Variants in ZNF287 observed in about 807,000 individuals in gnomAD.
The protein encoded by ZNF287 is zinc finger protein with KRAB and SCAN domains 13.
In ZNF287, 31 loss-of-function variants were observed where a neutral mutation model predicts 73.7. The observed-to-expected ratio is 0.42, with a 90% CI of 0.32 to 0.57. The LOEUF (loss-of-function observed/expected upper bound fraction) is 0.57. ZNF287 is among the 20% of genes least tolerant of loss of function. The probability of loss-of-function intolerance (pLI) is 0.13; values close to 1 mark genes in which losing one functional copy is unlikely to be tolerated. For missense variants in ZNF287, 641 were observed against 909.3 expected, an observed-to-expected ratio of 0.70 and a Z score of 3.79; for synonymous variants, 301 against 307.2, an observed-to-expected ratio of 0.98 and a Z score of 0.21.
intron 5 of ZNF287, among the ~76,000 whole-genome samples, chr17:16,556,910 C>T (rs758553495): frequency 2.8e-4 from 42 of 151,764 alleles, no homozygotes; most frequent in Non-Finnish European, 4.9e-4. Context: ...TGCAATGGCG[C>T]GATCTCGGCT....
chr17:16,553,541 C>A (rs1257816170), intron 5 of ZNF287, 115 bp from the exon 6 acceptor site: 12 of 813,196 alleles, frequency 1.5e-5, no homozygotes, highest in South Asian at 3.1e-5. Flanking sequence ...CTCTGAAAAC[C>A]TCATCATCAT....
intron 3 of ZNF287, among the ~76,000 whole-genome samples, chr17:16,564,716 G>C (rs969856552): frequency 6.6e-6 from 1 of 152,096 alleles, no homozygotes; most frequent in Non-Finnish European, 1.5e-5. Flanking sequence ...AATCTGGTAA[G>C]GTTAGTGCTT....
chr17:16,552,381 A>G lies in ZNF287; in HGVS notation c.1761T>C (p.Thr587=), dbSNP rs745541947. 2 of 1,613,914 alleles carry G rather than the reference A, an allele frequency of 1.2e-6. No individual in the cohort carries two copies. Among genetic ancestry groups the G allele is most frequent in the South Asian group, 1.1e-5 (1 of 91,078 alleles). ...TATTACATATATAGGATTTCTCTCC[A>G]GTGTGAGTGGTTTGATGTTGAATAA... is the stretch of plus-strand genomic sequence containing the variant. ...STLIQHQTTH[T]GEKSYICNIC... Residue 587 remains threonine (T), a synonymous_variant, in exon 6 of 6, where the codon ACT becomes ACC. Coordinates refer to ENST00000395825, the MANE Select transcript of ZNF287 (RefSeq NM_020653.4). The surrounding 1 kb of genome is among the most constrained non-coding windows in gnomAD (Gnocchi z 6.5).
At chr17:16,567,215 C>T in intron 2 of ZNF287, 114 bp downstream of exon 2, 3 of 1,393,388 alleles carry the variant, frequency 2.2e-6, no homozygotes, top group South Asian at 2.9e-5. Flanking sequence ...TTAAAAAATG[C>T]ATCCTGGACC....
intron 4 of ZNF287, 146 bp downstream of exon 4, chr17:16,563,552 GA>G: frequency 1.1e-6 from 1 of 935,154 alleles, no homozygotes. Context: ...CTTTCATTTG[GA>G]AAACGGGAGT....
At position 16,548,951 on chromosome 17, in the gene ZNF287, A is replaced by G. The variant is rs1039729701; in HGVS notation, c.*2905T>C. ...GGAATTACTATTTGTTTTTTTTTTA[A>G]AGGTATGTAAATGTATTGTGGTTAT... On this transcript the variant is annotated 3_prime_UTR_variant, in exon 6 of 6. Transcript: ENST00000395825. 6.6e-6 allele frequency among the ~76,000 whole-genome samples: 1 copy of G among 151,980 alleles called. No individual in the cohort carries two copies. The highest frequency in any genetic ancestry group is 2.4e-5 in the African/African-American group (1 of 41,428).
chr17:16,560,570 G>A (rs1225943723), intron 5 of ZNF287, among the ~76,000 whole-genome samples: 3 of 150,922 alleles, frequency 2.0e-5, no homozygotes, highest in African/African-American at 7.3e-5. Context: ...GGCTGGTCTT[G>A]AACTCCTGAC....
At chr17:16,567,101 G>A (rs1322152364) in intron 2 of ZNF287, among the ~76,000 whole-genome samples, 2 of 152,126 alleles carry the variant, frequency 1.3e-5, no homozygotes, top group Admixed American at 6.6e-5. Flanking sequence ...GATAATGTGT[G>A]TTTGCTCCCA....
Position 16,552,061 on chromosome 17 carries a change from T to A in ZNF287, c.2081A>T (p.His694Leu), listed in dbSNP as rs1421213250. 1 of 1,614,094 alleles carries A rather than the reference T, an allele frequency of 6.2e-7. No individual in the cohort carries two copies. The highest frequency in any genetic ancestry group is 1.7e-5 in the Admixed American group (1 of 60,030). Reference sequence around the variant, plus strand: ...TCTCTCTCCAGTATGAGTTCTCTGATGTTGATTAAGTGATGAGGAATAAAT... The same window carrying A: ...TCTCTCTCCAGTATGAGTTCTCTGAAGTTGATTAAGTGATGAGGAATAAAT... ...AFIYSSSLNQHQRTHTGERPY... is the reference protein window; with the variant it reads ...AFIYSSSLNQLQRTHTGERPY... Residue 694 changes from histidine to leucine, a missense_variant, in exon 6 of 6, where the codon CAT (histidine) becomes CTT (leucine). Physicochemically the swap from His to Leu is moderately conservative, Grantham distance 99. Around this residue, in one of 2 missense-constraint regions of ZNF287, gnomAD observed 284 missense variants for 466.8 expected, o/e 0.61. Transcript: ENST00000395825. The surrounding 1 kb of genome is among the most constrained non-coding windows in gnomAD (Gnocchi z 6.5).
chr17:16,556,276 A>G (rs970305414), intron 5 of ZNF287, among the ~76,000 whole-genome samples: 1 of 152,184 alleles, frequency 6.6e-6, no homozygotes, highest in African/African-American at 2.4e-5. Context: ...TGAATTTACA[A>G]ATTACTTTTT....
At chr17:16,560,406 G>C (rs1446222978) in intron 5 of ZNF287, among the ~76,000 whole-genome samples, 1 of 150,570 alleles carries the variant, frequency 6.6e-6, no homozygotes, top group South Asian at 2.1e-4. Context: ...CTGGAGTGCA[G>C]TGGCACAATC....
At chr17:16,563,062 G>T (rs1311040462) in intron 5 of ZNF287, 84 bp downstream of exon 5, 4 of 1,107,556 alleles carry the variant, frequency 3.6e-6, no homozygotes, top group Non-Finnish European at 5.3e-6. Flanking sequence ...AAAGTGACCT[G>T]GTCATATTTA....
rs137989045 is a variant in ZNF287 at position 16,556,165 on chromosome 17, GAC to G, written c.716-2741_716-2740del. Among the ~76,000 whole-genome samples, 341 of 143,856 alleles carry G rather than the reference GAC, an allele frequency of 2.4e-3. 1 individual carries two copies. Among genetic ancestry groups the G allele is most frequent in the East Asian group, 4.7e-3 (23 of 4,858 alleles). The allele number at this position is 143,856 out of a possible 152,430, so 94.4% of individuals were successfully genotyped here. A position where few individuals can be genotyped will look rare whatever the true frequency, so the allele number is the denominator to read the frequency against. ...GCTATTTGTGTTACAGACAGACACA[GAC>G]ACACACACACACACACACACACACA... On this transcript the variant is annotated intron_variant, in intron 5 of 5. Transcript: ENST00000395825.
At chr17:16,566,490 G>C (rs527681666) in intron 3 of ZNF287, 35 bp downstream of exon 3, 1 of 1,572,112 alleles carries the variant, frequency 6.4e-7, no homozygotes, top group East Asian at 2.3e-5. Flanking sequence ...ACACTAAGAA[G>C]GCATTTTAAA....
At chr17:16,562,338 A>G (rs1907498251) in intron 5 of ZNF287, among the ~76,000 whole-genome samples, 2 of 152,242 alleles carry the variant, frequency 1.3e-5, no homozygotes, top group Admixed American at 1.3e-4. Flanking sequence ...AACAGTATGT[A>G]TTGTATGCTA....
Position 16,551,869 on chromosome 17 carries a change from T to A in ZNF287, c.2273A>T (p.Lys758Ile). ...TTCCCTTATCCATTAATTACGATGT[T>A]TGGCACCTGTATGAACACGTTGATG... ...IQHQRVHTGA[K>I]HRN Residue 758 changes from lysine to isoleucine, a missense_variant, in exon 6 of 6, where the codon AAA (lysine) becomes ATA (isoleucine). Physicochemically the swap from Lys to Ile is moderately radical, Grantham distance 102. Transcript: ENST00000395825. 6.3e-7 allele frequency: 1 copy of A among 1,580,002 alleles called. No homozygotes were observed. Among genetic ancestry groups the A allele is most frequent in the Non-Finnish European group, 8.6e-7 (1 of 1,162,778 alleles).
At chr17:16,566,926 C>T (rs1296879424) in intron 2 of ZNF287, among the ~76,000 whole-genome samples, 1 of 151,972 alleles carries the variant, frequency 6.6e-6, no homozygotes, top group African/African-American at 2.4e-5. Flanking sequence ...TTCTCTAGAC[C>T]CTTTCTTCCT....
chr17:16,563,122 G>C, intron 5 of ZNF287, 24 bp downstream of exon 5: 1 of 1,526,262 alleles, frequency 6.6e-7, no homozygotes, highest in Non-Finnish European at 9.0e-7. Flanking sequence ...ATACAAAGAA[G>C]CTCATGCGCT....
chr17:16,552,229 T>G lies in ZNF287; in HGVS notation c.1913A>C (p.His638Pro). 6.2e-7 allele frequency: 1 copy of G among 1,614,116 alleles called. No homozygotes were observed. The highest frequency in any genetic ancestry group is 8.5e-7 in the Non-Finnish European group (1 of 1,180,000). The stretch of plus-strand genomic sequence containing the variant: ...TTTTTCTCCATTATGAATCCTCTGA[T>G]GTTGAGTAAGGTGCACACTCTGGCT... ...AFSQSVHLTQHQRIHNGEKPF... is the reference protein window; with the variant it reads ...AFSQSVHLTQPQRIHNGEKPF... Residue 638 changes from histidine (H) to proline (P), a missense_variant, in exon 6 of 6, where the codon CAT becomes CCT. His to Pro is a moderately conservative substitution (Grantham distance 77). Coordinates refer to ENST00000395825, the MANE Select transcript of ZNF287 (RefSeq NM_020653.4). The surrounding 1 kb of genome is among the most constrained non-coding windows in gnomAD (Gnocchi z 6.5).
Sources: gnomAD v4.1 joint callset for allele counts (sites outside exome capture counted in the v4.1 genomes callset) on GRCh38, gnomAD v4.1.1 for gene constraint, gnomAD v4.1.1 regional missense constraint, Gnocchi (gnomAD v3.1) non-coding constraint, MANE v1.5 for transcripts, NCBI Gene and HGNC (gene_info 2026-07-23, HGNC 2026-07-21) for gene names.